The following FGF13 variants were observed in gnomAD, a reference collection of about 807,000 sequenced individuals.
FGF13 encodes the protein fibroblast growth factor homologous factor 2.
Under a neutral mutation model 19.5 loss-of-function variants are expected in FGF13, and 2 were observed. That is an observed-to-expected ratio of 0.10 (90% confidence interval 0.04 to 0.32). The LOEUF (loss-of-function observed/expected upper bound fraction) is 0.32. Ranked by LOEUF, FGF13 falls within the 10% of genes least tolerant of loss-of-function variation. The pLI is 1.00. For missense variants in FGF13, 113 were observed against 192.7 expected (o/e 0.59, Z 2.45); for synonymous variants, 72 against 76.9 (o/e 0.94, Z 0.33).
intron 1 of FGF13, among the ~76,000 whole-genome samples, chrX:139,133,661 C>T (rs2083778814): frequency 1.8e-5 from 2 of 111,422 alleles, no homozygotes; most frequent in Admixed American, 1.9e-4. Flanking sequence ...GGCTGTGGTA[C>T]CTGACTCCCA....
At chrX:139,111,091 T>C (rs2083597980) in intron 1 of FGF13, among the ~76,000 whole-genome samples, 1 of 111,971 alleles carries the variant, frequency 8.9e-6, no homozygotes, top group Non-Finnish European at 1.9e-5. Context: ...TACCTACAGA[T>C]GAATGTTGAC....
intron 1 of FGF13, among the ~76,000 whole-genome samples, chrX:139,008,436 T>A (rs1397611443): frequency 9.0e-6 from 1 of 111,571 alleles, no homozygotes; most frequent in Non-Finnish European, 1.9e-5. Context: ...CATCACAGAG[T>A]CCACTTCACT....
intron 1 of FGF13, among the ~76,000 whole-genome samples, chrX:139,099,101 G>A (rs1308615785): frequency 4.5e-5 from 5 of 110,016 alleles, no homozygotes; most frequent in East Asian, 2.9e-4. Context: ...ATCTCACCTC[G>A]GTTTGCTTCC....
chrX:139,057,043 C>T lies in FGF13; in HGVS notation c.-113+146373G>A, dbSNP rs765073320. ...CATGTTGCCTGGTCATGTCCATTCC[C>T]TTCCCTGAGCTTCAACTGTCTCATC... is the stretch of plus-strand genomic sequence containing the variant. On this transcript the variant is annotated intron_variant, in intron 1 of 2. Coordinates refer to the FGF13 transcript ENST00000421460. Among the ~76,000 whole-genome samples, 39 of 111,659 alleles carry T rather than the reference C, an allele frequency of 3.5e-4. No individual in the cohort carries two copies. In the South Asian group the frequency reaches 6.8e-3, roughly 19 times the overall value.
intron 3 of FGF13, among the ~76,000 whole-genome samples, chrX:138,659,260 A>G (rs2089466278): frequency 8.9e-6 from 1 of 112,365 alleles, no homozygotes; most frequent in Admixed American, 9.4e-5. Flanking sequence ...AGTTGAGCCC[A>G]GGAGCTGGAG....
At chrX:138,832,674 C>A (rs888614586) in intron 3 of FGF13, among the ~76,000 whole-genome samples, 6 of 112,130 alleles carry the variant, frequency 5.4e-5, no homozygotes, top group Middle Eastern at 4.6e-3. Flanking sequence ...AATTAGATTC[C>A]ATTTGTCAAT....
At chrX:138,940,910 C>T (rs2091754947) in intron 1 of FGF13, among the ~76,000 whole-genome samples, 1 of 111,419 alleles carries the variant, frequency 9.0e-6, no homozygotes, top group African/African-American at 3.3e-5. Flanking sequence ...ACTATTTGGG[C>T]ACTTTTTTGA....
chrX:138,830,773 G>A (rs2091067723), intron 3 of FGF13, among the ~76,000 whole-genome samples: 1 of 107,587 alleles, frequency 9.3e-6, no homozygotes, highest in Non-Finnish European at 1.9e-5. Context: ...GTGTTTAGGA[G>A]AGCAAATCAA....
chrX:138,621,637 TAAAA>T lies in FGF13; in HGVS notation c.*11209_*11212del, dbSNP rs989712958. The T allele has an allele frequency of 4.6e-5, 5 of 107,649 alleles. No individual in the cohort carries two copies. Among genetic ancestry groups the T allele is most frequent in the African/African-American group, 1.4e-4 (4 of 29,554 alleles). 8.9% of individuals were successfully genotyped at this position (107,649 alleles called of 1,213,427 possible). On this transcript the variant is annotated 3_prime_UTR_variant, in exon 5 of 5. Transcript: ENST00000315930. Reference sequence around the variant, plus strand: ...AAAAGTGAAATAGAAACTAGAAAAATAAAAAAGAGCAATAAAACTGAGTTGTTTT... The same window carrying T: ...AAAAGTGAAATAGAAACTAGAAAAATAAGAGCAATAAAACTGAGTTGTTTT...
intron 1 of FGF13, among the ~76,000 whole-genome samples, chrX:138,988,076 C>T: frequency 8.9e-6 from 1 of 112,080 alleles, no homozygotes; most frequent in South Asian, 3.7e-4. Flanking sequence ...TCATTTTCCA[C>T]CTAACTCACT....
intron 3 of FGF13, among the ~76,000 whole-genome samples, chrX:138,664,558 TGA>T (rs3831715): frequency 5.8e-4 from 60 of 103,913 alleles, no homozygotes; most frequent in African/African-American, 6.3e-4. Flanking sequence ...TTTGCATGTG[TGA>T]GAGAGAGAGA....
At chrX:138,831,348 C>A (rs2091071762) in intron 3 of FGF13, among the ~76,000 whole-genome samples, 1 of 110,584 alleles carries the variant, frequency 9.0e-6, no homozygotes, top group Non-Finnish European at 1.9e-5. Flanking sequence ...CACAAGTGGG[C>A]AACTCCATAC....
intron 1 of FGF13, among the ~76,000 whole-genome samples, chrX:139,014,640 T>C (rs1235331055): frequency 2.7e-5 from 3 of 111,091 alleles, no homozygotes; most frequent in African/African-American, 9.8e-5. Flanking sequence ...CTACCAAAGA[T>C]TTCAAAAACT....
In FGF13 at chrX:139,135,847, G is replaced by A. The variant is rs145212945; in HGVS notation, c.-113+67569C>T. Among the ~76,000 whole-genome samples the A allele has an allele frequency of 8.8e-3, 976 of 111,178 alleles. 10 individuals are homozygous for A. The highest frequency in any genetic ancestry group is 0.03 in the African/African-American group (932 of 30,570). ...ATCCACTCAACTGCCACCCTATGGGGGTTCTGTCTCTGTACGTCTTCATCA... is the reference window on the plus strand; with the variant it reads ...ATCCACTCAACTGCCACCCTATGGGAGTTCTGTCTCTGTACGTCTTCATCA... On this transcript the variant is annotated intron_variant, in intron 1 of 2. Coordinates refer to the FGF13 transcript ENST00000421460.
chrX:138,670,680 G>A (rs939172243), intron 3 of FGF13, among the ~76,000 whole-genome samples: 6 of 111,536 alleles, frequency 5.4e-5, no homozygotes, highest in African/African-American at 1.9e-4. Context: ...TCTGTGTAGT[G>A]AGTTTGGGGT....
At chrX:138,928,247 G>T (rs1468542818) in intron 1 of FGF13, among the ~76,000 whole-genome samples, 3 of 109,700 alleles carry the variant, frequency 2.7e-5, no homozygotes, top group Non-Finnish European at 5.7e-5. Flanking sequence ...GAATCCTCCA[G>T]ACTGAGCAAA....
At chrX:138,984,492 AAGG>A (rs751144407) in intron 1 of FGF13, among the ~76,000 whole-genome samples, 12 of 19,643 alleles carry the variant, frequency 6.1e-4, no homozygotes, top group South Asian at 3.9e-3. Flanking sequence ...GAAGAAGGAG[AAGG>A]AGAAGGAGAA....
intron 3 of FGF13, among the ~76,000 whole-genome samples, chrX:138,834,002 T>C (rs1319153385): frequency 8.9e-6 from 1 of 112,027 alleles, no homozygotes; most frequent in East Asian, 2.8e-4. Context: ...ATCCCAGATA[T>C]AAAGCCTACT....
chrX:139,151,093 G>T (rs768215268), intron 1 of FGF13, among the ~76,000 whole-genome samples: 20 of 105,088 alleles, frequency 1.9e-4, no homozygotes, highest in South Asian at 8.0e-4. Context: ...GGTTCTTTGG[G>T]AGGGAAGAAA....
Sources: allele counts gnomAD v4.1 joint callset (sites outside exome capture counted in the v4.1 genomes callset), GRCh38; gene constraint gnomAD v4.1.1; transcripts MANE v1.5; gene names NCBI Gene and HGNC (gene_info 2026-07-23, HGNC 2026-07-21).